Variants in GRK5 observed in about 807,000 individuals in gnomAD.
The protein encoded by GRK5 is G protein-coupled receptor kinase 5.
In GRK5, 40 loss-of-function variants were observed where a neutral mutation model predicts 78.4. That is an observed-to-expected ratio of 0.51 (90% CI 0.40 to 0.66). The LOEUF is 0.66. GRK5 is among the 30% of genes least tolerant of loss of function. The pLI is 0.00. For synonymous variants in GRK5, 289 were observed against 296.8 expected, an observed-to-expected ratio of 0.97 and a Z score of 0.27; for missense variants, 598 against 759.9, an observed-to-expected ratio of 0.79 and a Z score of 2.50.
chr10:119,449,767 C>T (rs544961575), intron 13 of GRK5, among the ~76,000 whole-genome samples: 10 of 152,252 alleles, frequency 6.6e-5, no homozygotes, highest in Admixed American at 5.9e-4. Context: ...CCAGCCTGGG[C>T]GACGGAGCGA....
intron 2 of GRK5, among the ~76,000 whole-genome samples, chr10:119,327,723 C>A (rs1850703670): frequency 6.6e-6 from 1 of 152,194 alleles, no homozygotes; most frequent in African/African-American, 2.4e-5. Flanking sequence ...TGGCCCTGGG[C>A]CACTCAGTCC....
intron 2 of GRK5, among the ~76,000 whole-genome samples, chr10:119,340,333 G>A (rs1369187493): frequency 1.3e-5 from 2 of 152,048 alleles, no homozygotes; most frequent in African/African-American, 4.8e-5. Context: ...TGCCATATTG[G>A]CCAGGCTGGT....
chr10:119,382,618 A>C (rs1185147066), intron 3 of GRK5, among the ~76,000 whole-genome samples: 2 of 152,160 alleles, frequency 1.3e-5, no homozygotes, highest in Non-Finnish European at 2.9e-5. Flanking sequence ...ACTTTTCATT[A>C]TGTATCTCTG....
chr10:119,241,673 G>A (rs1328250278), intron 1 of GRK5, among the ~76,000 whole-genome samples: 1 of 152,190 alleles, frequency 6.6e-6, no homozygotes, highest in African/African-American at 2.4e-5. Flanking sequence ...CTGGGAACAT[G>A]GTCTTTGCCT....
At chr10:119,275,190 T>C (rs1158382257) in intron 1 of GRK5, among the ~76,000 whole-genome samples, 5 of 152,122 alleles carry the variant, frequency 3.3e-5, no homozygotes, top group African/African-American at 1.2e-4. Flanking sequence ...CAGAGTGAAG[T>C]TCCTGACTGT....
chr10:119,414,376 C>CAT (rs1852404289), intron 4 of GRK5, among the ~76,000 whole-genome samples: 1 of 151,830 alleles, frequency 6.6e-6, no homozygotes, highest in Non-Finnish European at 1.5e-5. Flanking sequence ...TGGACGTTAG[C>CAT]GTGTGTGTGT....
chr10:119,436,609 C>T (rs1852924249), intron 8 of GRK5, 42 bp from the exon 9 acceptor site: 1 of 1,595,204 alleles, frequency 6.3e-7, no homozygotes, highest in South Asian at 1.1e-5. Flanking sequence ...AGTGAGTGGC[C>T]ATTGTCACAA....
intron 2 of GRK5, among the ~76,000 whole-genome samples, chr10:119,375,754 G>A (rs1851612299): frequency 6.6e-6 from 1 of 152,176 alleles, no homozygotes; most frequent in Non-Finnish European, 1.5e-5. Context: ...GGCATGCCGG[G>A]GAGGTGGGGA....
At position 119,217,491 on chromosome 10, in the gene GRK5, C is replaced by G. The variant is rs1049221941; in HGVS notation, c.52+9522C>G. On this transcript the variant is annotated intron_variant, in intron 1 of 15. Coordinates refer to ENST00000392870, the MANE Select transcript of GRK5 (RefSeq NM_005308.3). This position sits in a 1 kb window ranked among gnomAD's most constrained non-coding sequence, Gnocchi z 4.1. ...CCTGTGGAGGCCCATTACCTGTACT[C>G]TCTCGCTGCCTGGGCCCCTCCTACC... is the stretch of plus-strand genomic sequence containing the variant. 6.6e-6 allele frequency among the ~76,000 whole-genome samples: 1 copy of G among 152,238 alleles called. No individual in the cohort carries two copies. The highest frequency in any genetic ancestry group is 1.5e-5 in the Non-Finnish European group (1 of 68,046).
At chr10:119,317,135 G>A (rs1021125767) in intron 1 of GRK5, among the ~76,000 whole-genome samples, 1 of 152,190 alleles carries the variant, frequency 6.6e-6, no homozygotes, top group Non-Finnish European at 1.5e-5. Context: ...AAAGACGTGA[G>A]AGTGTCCTGA....
At chr10:119,313,896 A>C (rs1850438788) in intron 1 of GRK5, among the ~76,000 whole-genome samples, 1 of 152,030 alleles carries the variant, frequency 6.6e-6, no homozygotes, top group African/African-American at 2.4e-5. Flanking sequence ...CTGCTTTGGA[A>C]ACCCCAACTG....
At position 119,300,061 on chromosome 10, in the gene GRK5, A is replaced by G. The variant is rs1357814047; in HGVS notation, c.53-26455A>G. On this transcript the variant is annotated intron_variant, in intron 1 of 15. Coordinates refer to ENST00000392870, the MANE Select transcript of GRK5 (RefSeq NM_005308.3). ...TCCTGGTGTACTCAGCTTCCCTGGCATCAAGCATTCCCTGCAAAAGGCTTG... is the reference window on the plus strand; with the variant it reads ...TCCTGGTGTACTCAGCTTCCCTGGCGTCAAGCATTCCCTGCAAAAGGCTTG... Among the ~76,000 whole-genome samples the G allele has an allele frequency of 5.9e-5, 9 of 152,168 alleles. No homozygotes were observed. The East Asian group carries it at 1.7e-3, about 29-fold the overall frequency.
At position 119,430,374 on chromosome 10, in the gene GRK5, G is replaced by A. The variant is rs2133894146; in HGVS notation, c.534-1G>A. 2 of 1,613,678 alleles carry A rather than the reference G, an allele frequency of 1.2e-6. No individual in the cohort carries two copies. Among genetic ancestry groups the A allele is most frequent in the African/African-American group, 1.3e-5 (1 of 75,026 alleles). ...CAGTGTGGGATTCTTCTTTCTTCCAGGCAACCGGTGACCAAAAACACTTTC... is the reference window on the plus strand; with the variant it reads ...CAGTGTGGGATTCTTCTTTCTTCCAAGCAACCGGTGACCAAAAACACTTTC... On this transcript the variant is annotated splice_acceptor_variant, in intron 6 of 15. Coordinates refer to ENST00000392870, the MANE Select transcript of GRK5 (RefSeq NM_005308.3). LOFTEE classifies it high-confidence loss of function. The surrounding 1 kb of genome is among the most constrained non-coding windows in gnomAD (Gnocchi z 4.5).
intron 4 of GRK5, among the ~76,000 whole-genome samples, chr10:119,419,921 C>G (rs1272646305): frequency 6.6e-6 from 1 of 152,222 alleles, no homozygotes; most frequent in Non-Finnish European, 1.5e-5. Flanking sequence ...CCCTGGTCCT[C>G]ATGCTGAGCT....
chr10:119,213,412 G>A (rs1848520842), intron 1 of GRK5, among the ~76,000 whole-genome samples: 1 of 152,180 alleles, frequency 6.6e-6, no homozygotes, highest in African/African-American at 2.4e-5. Flanking sequence ...TCGGAAAGCT[G>A]AGGCAGGAGA....
At chr10:119,244,959 C>A (rs975716341) in intron 1 of GRK5, among the ~76,000 whole-genome samples, 8 of 152,132 alleles carry the variant, frequency 5.3e-5, no homozygotes, top group Admixed American at 1.3e-4. Context: ...CATGGTCCAG[C>A]AATCTCACTT....
intron 1 of GRK5, among the ~76,000 whole-genome samples, chr10:119,278,657 TTC>T (rs1252051519): frequency 6.6e-6 from 1 of 152,168 alleles, no homozygotes; most frequent in Non-Finnish European, 1.5e-5. Flanking sequence ...CTATCACTCA[TTC>T]ATTGCCCCTT....
chr10:119,454,945 C>T (rs776431472), intron 15 of GRK5, 24 bp from the exon 16 acceptor site: 19 of 1,521,206 alleles, frequency 1.2e-5, no homozygotes, highest in Middle Eastern at 2.1e-4. Context: ...CTCTCCACCC[C>T]GTCTCCCCCA....
At chr10:119,439,791 G>A in intron 10 of GRK5, 23 bp downstream of exon 10, 1 of 1,611,902 alleles carries the variant, frequency 6.2e-7, no homozygotes, top group Non-Finnish European at 8.5e-7. Context: ...CTACTCGGTA[G>A]CTGAGGTGAG....
Sources: gnomAD v4.1 joint callset for allele counts (sites outside exome capture counted in the v4.1 genomes callset) on GRCh38, gnomAD v4.1.1 for gene constraint, Gnocchi (gnomAD v3.1) non-coding constraint, MANE v1.5 for transcripts, NCBI Gene and HGNC (gene_info 2026-07-23, HGNC 2026-07-21) for gene names.